NTN1: variants seen among roughly 807,000 people sequenced by gnomAD.
NTN1 encodes netrin 1.
Under a neutral mutation model 54.2 loss-of-function variants are expected in NTN1, and 11 were observed. The observed-to-expected ratio is 0.20, with a 90% CI of 0.13 to 0.34. The LOEUF is 0.34. Among genes scored for constraint, NTN1 ranks in the 10% least tolerant of loss-of-function variants. NTN1 has a pLI of 1.00. For missense variants in NTN1, 740 were observed against 893.1 expected (o/e 0.83, Z 2.18); for synonymous variants, 371 against 382.0 (o/e 0.97, Z 0.33).
the NTN1 span, among the ~76,000 whole-genome samples, chr17:9,016,396 T>C: frequency 6.6e-6 from 1 of 152,264 alleles, no homozygotes; most frequent in Non-Finnish European, 1.5e-5. Context: ...CCCAGAGCTG[T>C]TCCACCTCTG....
At chr17:9,014,037 G>A in the NTN1 span, among the ~76,000 whole-genome samples, 3 of 152,184 alleles carry the variant, frequency 2.0e-5, no homozygotes, top group Non-Finnish European at 4.4e-5. Flanking sequence ...GGTTTGTATG[G>A]GCTTCTATGC....
intron 2 of NTN1, among the ~76,000 whole-genome samples, chr17:9,027,405 A>G (rs186453311): frequency 6.6e-6 from 1 of 152,112 alleles, no homozygotes; most frequent in African/African-American, 2.4e-5. Context: ...GAGACATTAG[A>G]TGGTTTACCC....
intron 2 of NTN1, among the ~76,000 whole-genome samples, chr17:9,029,639 CTTACTCCAAAAATGGA>C (rs2091882763): frequency 1.3e-5 from 2 of 152,214 alleles, no homozygotes; most frequent in East Asian, 3.8e-4. Context: ...TTCCTGTCTC[CTTACTCCAAAAATGGA>C]TTTCTATTGT....
At chr17:9,217,203 C>G (rs548213193) in intron 5 of NTN1, among the ~76,000 whole-genome samples, 2 of 152,214 alleles carry the variant, frequency 1.3e-5, no homozygotes, top group African/African-American at 4.8e-5. Flanking sequence ...TCACTGTGTC[C>G]TCCTCCCTTT....
chr17:9,028,687 C>T (rs1314413652), intron 2 of NTN1, among the ~76,000 whole-genome samples: 1 of 152,212 alleles, frequency 6.6e-6, no homozygotes, highest in African/African-American at 2.4e-5. Flanking sequence ...ATATTTCCTT[C>T]TTGAGATGAG....
At position 9,240,098 on chromosome 17, in the gene NTN1, CCGCACGG is replaced by C. The variant is rs1406372055; in HGVS notation, c.*134_*140del. The C allele has an allele frequency of 5.0e-6, 1 of 201,478 alleles. No homozygotes were observed. Among genetic ancestry groups the C allele is most frequent in the Non-Finnish European group, 8.8e-6 (1 of 113,154 alleles). 12.5% of individuals were successfully genotyped at this position (201,478 alleles called of 1,614,324 possible). ...AGGTGGGGGGAGGGAGGGGGCGGGG[CCGCACGG>C]CGCGGGGGGCGGGACCCTCGGCGGC... is the stretch of plus-strand genomic sequence containing the variant. On this transcript the variant is annotated 3_prime_UTR_variant, in exon 7 of 7. Transcript: ENST00000173229.
At position 9,219,982 on chromosome 17, in the gene NTN1, G is replaced by GCTCCCCGCTC. The variant is rs1905295196; in HGVS notation, c.1412-1176_1412-1167dup. On this transcript the variant is annotated intron_variant, in intron 5 of 6. Transcript: ENST00000173229. The surrounding 1 kb of genome is among the most constrained non-coding windows in gnomAD (Gnocchi z 4.5). ...GCTGGGCCCCCTGCAGCTCCCTGCA[G>GCTCCCCGCTC]CTCCCCGCTCCTCCCCGCTGGCCAG... Among the ~76,000 whole-genome samples the GCTCCCCGCTC allele has an allele frequency of 3.3e-5, 5 of 152,286 alleles. No homozygotes were observed. The highest frequency in any genetic ancestry group is 2.1e-4 in the South Asian group (1 of 4,828).
intron 2 of NTN1, among the ~76,000 whole-genome samples, chr17:9,039,843 G>A (rs961564428): frequency 6.6e-6 from 1 of 152,080 alleles, no homozygotes; most frequent in African/African-American, 2.4e-5. Flanking sequence ...TTATTTCTGG[G>A]GGGGTATTCA....
intron 2 of NTN1, among the ~76,000 whole-genome samples, chr17:9,089,675 C>T (rs920380183): frequency 6.6e-6 from 1 of 152,128 alleles, no homozygotes; most frequent in Admixed American, 6.5e-5. Context: ...CCACCTTGAA[C>T]GTGATGGGTG....
At chr17:9,229,273 C>T (rs1905726526) in intron 6 of NTN1, among the ~76,000 whole-genome samples, 1 of 152,132 alleles carries the variant, frequency 6.6e-6, no homozygotes, top group Non-Finnish European at 1.5e-5. Flanking sequence ...GCCCCGGTAC[C>T]TCCAGAACCA....
At chr17:9,133,038 C>G (rs2092270462) in intron 2 of NTN1, among the ~76,000 whole-genome samples, 1 of 152,100 alleles carries the variant, frequency 6.6e-6, no homozygotes, top group South Asian at 2.1e-4. Context: ...CGCTCACAAC[C>G]TGGGATGAGG....
intron 6 of NTN1, among the ~76,000 whole-genome samples, chr17:9,227,374 TCACACAC>T (rs1567745491): frequency 1.9e-5 from 1 of 52,760 alleles, no homozygotes. Flanking sequence ...ACACACACCA[TCACACAC>T]CACACACTAT....
At chr17:9,103,191 C>T (rs868845389) in intron 2 of NTN1, among the ~76,000 whole-genome samples, 7 of 152,274 alleles carry the variant, frequency 4.6e-5, no homozygotes, top group African/African-American at 7.2e-5. Flanking sequence ...ATTGAAAGCA[C>T]GGACTGGAAC....
chr17:9,146,585 C>T (rs953447102), intron 2 of NTN1, among the ~76,000 whole-genome samples: 4 of 151,678 alleles, frequency 2.6e-5, no homozygotes, highest in Admixed American at 1.3e-4. Context: ...CTGGAGGGGA[C>T]CTGTGGGTCT....
intron 2 of NTN1, among the ~76,000 whole-genome samples, chr17:9,122,509 A>G (rs940751365): frequency 2.6e-5 from 4 of 152,064 alleles, no homozygotes; most frequent in African/African-American, 7.2e-5. Context: ...AGTTTGACCT[A>G]GTGGAGGGGT....
chr17:9,057,782 T>C (rs1406129736), intron 2 of NTN1, among the ~76,000 whole-genome samples: 1 of 152,232 alleles, frequency 6.6e-6, no homozygotes, highest in South Asian at 2.1e-4. Context: ...ACTTTTAATT[T>C]CATGAGAATC....
chr17:9,178,178 CAA>C (rs1344235640), intron 3 of NTN1, among the ~76,000 whole-genome samples: 2 of 152,200 alleles, frequency 1.3e-5, no homozygotes, highest in Admixed American at 1.3e-4. Flanking sequence ...GCCTGGGCAA[CAA>C]GAGTGAAATC....
chr17:9,151,569 GA>G (rs1215983996), intron 2 of NTN1, among the ~76,000 whole-genome samples: 2 of 152,128 alleles, frequency 1.3e-5, no homozygotes, highest in African/African-American at 4.8e-5. Context: ...TGGTGGTGGG[GA>G]GGGGGAAGGG....
At chr17:9,073,194 G>T (rs1418517079) in intron 2 of NTN1, among the ~76,000 whole-genome samples, 1 of 152,220 alleles carries the variant, frequency 6.6e-6, no homozygotes, top group Non-Finnish European at 1.5e-5. Flanking sequence ...CAGTGGCTGG[G>T]AGGAGTCGCG....
Sources: gnomAD v4.1 joint callset for allele counts (sites outside exome capture counted in the v4.1 genomes callset) on GRCh38, gnomAD v4.1.1 for gene constraint, Gnocchi (gnomAD v3.1) non-coding constraint, MANE v1.5 for transcripts, NCBI Gene and HGNC (gene_info 2026-07-23, HGNC 2026-07-21) for gene names.